AGBL4: variants seen among roughly 807,000 people sequenced by gnomAD.
AGBL4 encodes AGBL carboxypeptidase 4.
AGBL4 carries 58 observed loss-of-function variants against 66.4 expected under a neutral mutation model. The ratio of observed to expected loss-of-function variants is 0.87; its 90% confidence interval spans 0.71 to 1.09. The LOEUF is 1.09. AGBL4 is among the 50% of genes least tolerant of loss of function. AGBL4 has a pLI of 0.00. For synonymous variants in AGBL4, 234 were observed against 222.9 expected, an observed-to-expected ratio of 1.05 and a Z score of -0.44; for missense variants, 579 against 631.0, an observed-to-expected ratio of 0.92 and a Z score of 0.88.
At chr1:49,660,347 A>T (rs1646244252) in intron 3 of AGBL4, among the ~76,000 whole-genome samples, 1 of 152,246 alleles carries the variant, frequency 6.6e-6, no homozygotes, top group African/African-American at 2.4e-5. Flanking sequence ...CAAACATGAA[A>T]AAAAGCTTAA....
intron 3 of AGBL4, among the ~76,000 whole-genome samples, chr1:49,441,792 T>C (rs909337223): frequency 1.3e-5 from 2 of 152,158 alleles, no homozygotes; most frequent in African/African-American, 4.8e-5. Context: ...ATTTTAATAA[T>C]CAAGTGGATA....
chr1:48,694,585 T>G (rs549600017), intron 6 of AGBL4, among the ~76,000 whole-genome samples: 1 of 152,320 alleles, frequency 6.6e-6, no homozygotes, highest in South Asian at 2.1e-4. Context: ...AATGGTCCTT[T>G]CATGTTTCTG....
chr1:49,274,603 A>G (rs2148392977), intron 3 of AGBL4, among the ~76,000 whole-genome samples: 1 of 152,294 alleles, frequency 6.6e-6, no homozygotes, highest in South Asian at 2.1e-4. Context: ...CTTCCTAAAA[A>G]GTAATTTGTA....
chr1:49,675,967 G>A (rs779167719), intron 3 of AGBL4, among the ~76,000 whole-genome samples: 7 of 152,122 alleles, frequency 4.6e-5, no homozygotes, highest in East Asian at 1.9e-4. Context: ...GAGTAGTGCC[G>A]ATAAAAATAA....
At chr1:48,642,813 G>C (rs1645778397) in intron 8 of AGBL4, among the ~76,000 whole-genome samples, 1 of 152,104 alleles carries the variant, frequency 6.6e-6, no homozygotes, top group Admixed American at 6.5e-5. Flanking sequence ...ACAAAAAAGG[G>C]GGCATAAAAG....
intron 5 of AGBL4, among the ~76,000 whole-genome samples, chr1:49,016,092 G>T (rs144499108): frequency 6.6e-6 from 1 of 152,266 alleles, no homozygotes; most frequent in Non-Finnish European, 1.5e-5. Context: ...GGCCCAGCTT[G>T]TGGCAGACTC....
chr1:48,738,057 T>C (rs1468911753), intron 6 of AGBL4, among the ~76,000 whole-genome samples: 1 of 152,182 alleles, frequency 6.6e-6, no homozygotes, highest in East Asian at 1.9e-4. Context: ...GCAAGATCAA[T>C]TGTTCAAAAA....
chr1:48,646,900 G>A lies in AGBL4; in HGVS notation c.839+6437C>T, dbSNP rs190324426. Among the ~76,000 whole-genome samples, 332 of 152,216 alleles carry A rather than the reference G, an allele frequency of 2.2e-3. 2 individuals carry two copies. Among genetic ancestry groups the A allele is most frequent in the African/African-American group, 7.8e-3 (322 of 41,500 alleles). On this transcript the variant is annotated intron_variant, in intron 8 of 13. Coordinates refer to ENST00000371839, the MANE Select transcript of AGBL4 (RefSeq NM_032785.4). Reference sequence around the variant, plus strand: ...AACGATACCTATAATGTGCAGTGAGGAGACACTTACATACTAGCTCCTCTT... The same window carrying A: ...AACGATACCTATAATGTGCAGTGAGAAGACACTTACATACTAGCTCCTCTT...
At chr1:48,844,554 A>G (rs1200314424) in intron 6 of AGBL4, among the ~76,000 whole-genome samples, 1 of 152,208 alleles carries the variant, frequency 6.6e-6, no homozygotes, top group African/African-American at 2.4e-5. Flanking sequence ...TAAACACCTT[A>G]TTATTCCAGC....
At chr1:48,993,989 C>T (rs1660811813) in intron 5 of AGBL4, among the ~76,000 whole-genome samples, 1 of 152,108 alleles carries the variant, frequency 6.6e-6, no homozygotes, top group African/African-American at 2.4e-5. Flanking sequence ...TAGAAAGGTG[C>T]TTTTTTTGTG....
chr1:49,707,919 C>G (rs1647335530), intron 2 of AGBL4, among the ~76,000 whole-genome samples: 2 of 152,138 alleles, frequency 1.3e-5, no homozygotes, highest in African/African-American at 4.8e-5. Flanking sequence ...GCAGAGACAT[C>G]CCCTGTTAGT....
intron 3 of AGBL4, among the ~76,000 whole-genome samples, chr1:49,686,182 A>G (rs887299492): frequency 2.6e-5 from 4 of 152,146 alleles, no homozygotes; most frequent in African/African-American, 7.2e-5. Flanking sequence ...TGTTATTGTC[A>G]TCTTTGTTGA....
At chr1:49,629,844 C>A (rs1645536843) in intron 3 of AGBL4, among the ~76,000 whole-genome samples, 1 of 152,128 alleles carries the variant, frequency 6.6e-6, no homozygotes, top group African/African-American at 2.4e-5. Context: ...TTTCAGAAAA[C>A]TGACTCAGGT....
intron 3 of AGBL4, among the ~76,000 whole-genome samples, chr1:49,601,685 C>G (rs1384379695): frequency 1.3e-5 from 2 of 152,218 alleles, no homozygotes; most frequent in Middle Eastern, 6.8e-3. Flanking sequence ...TTCCCTACAC[C>G]TTATGCAAAA....
intron 4 of AGBL4, among the ~76,000 whole-genome samples, chr1:49,123,707 C>G (rs1323645697): frequency 1.3e-5 from 2 of 152,204 alleles, no homozygotes. Context: ...CTCTCTCCTA[C>G]TCTCCTTGGG....
At chr1:49,129,435 G>T (rs1408187124) in intron 4 of AGBL4, among the ~76,000 whole-genome samples, 2 of 151,586 alleles carry the variant, frequency 1.3e-5, no homozygotes, top group African/African-American at 2.4e-5. Context: ...TTAGCATTAG[G>T]TATATCTCCT....
intron 3 of AGBL4, among the ~76,000 whole-genome samples, chr1:49,671,065 A>C (rs1252229252): frequency 6.6e-6 from 1 of 152,198 alleles, no homozygotes; most frequent in African/African-American, 2.4e-5. Context: ...TGGAGGAATC[A>C]TGTTATCTGA....
intron 6 of AGBL4, among the ~76,000 whole-genome samples, chr1:48,793,291 C>T (rs1438346755): frequency 6.6e-6 from 1 of 152,162 alleles, no homozygotes; most frequent in Non-Finnish European, 1.5e-5. Context: ...TGAAGAGCAT[C>T]TCTCTCACAA....
intron 4 of AGBL4, among the ~76,000 whole-genome samples, chr1:49,242,442 T>A (rs1651314187): frequency 6.6e-6 from 1 of 152,036 alleles, no homozygotes; most frequent in African/African-American, 2.4e-5. Flanking sequence ...AAACTTGGAA[T>A]CATGTGATTT....
Sources: allele counts gnomAD v4.1 joint callset (sites outside exome capture counted in the v4.1 genomes callset), GRCh38; gene constraint gnomAD v4.1.1; transcripts MANE v1.5; gene names NCBI Gene and HGNC (gene_info 2026-07-23, HGNC 2026-07-21).